ABCC9: variants seen among roughly 807,000 people sequenced by gnomAD.
ABCC9 encodes the protein ATP binding cassette subfamily C member 9, also known as ATP-binding cassette sub-family C member 9.
Under a neutral mutation model 188.3 loss-of-function variants are expected in ABCC9, and 95 were observed. The ratio of observed to expected loss-of-function variants is 0.50; its 90% CI spans 0.43 to 0.60. The LOEUF (loss-of-function observed/expected upper bound fraction) is 0.60. Among genes scored for constraint, ABCC9 ranks in the 20% least tolerant of loss-of-function variants. The probability of loss-of-function intolerance (pLI) is 0.00; values close to 1 mark genes in which losing one functional copy is unlikely to be tolerated. For synonymous variants in ABCC9, 659 were observed against 652.7 expected, an observed-to-expected ratio of 1.01 and a Z score of -0.15; for missense variants, 1,102 against 1,876.3, an observed-to-expected ratio of 0.59 and a Z score of 7.62.
At chr12:21,811,254 T>C (rs1354584781) in intron 36 of ABCC9, among the ~76,000 whole-genome samples, 1 of 152,172 alleles carries the variant, frequency 6.6e-6, no homozygotes, top group African/African-American at 2.4e-5. Flanking sequence ...ATTGTAAGTT[T>C]CCTGAGGCCT....
At chr12:21,811,961 T>C (rs1942274242) in intron 36 of ABCC9, 88 bp downstream of exon 36, 1 of 914,628 alleles carries the variant, frequency 1.1e-6, no homozygotes, top group Admixed American at 1.7e-5. Context: ...AGTTCACTCA[T>C]ACCTGAAAAA....
At chr12:21,936,439 G>T in intron 3 of ABCC9, 94 bp downstream of exon 3, 2 of 1,116,446 alleles carry the variant, frequency 1.8e-6, no homozygotes, top group Non-Finnish European at 2.6e-6. Flanking sequence ...CAGCTTCCAT[G>T]TTACAGAAAT....
intron 17 of ABCC9, 121 bp downstream of exon 17, chr12:21,875,533 T>C (rs1170411404): frequency 4.1e-6 from 3 of 736,920 alleles, no homozygotes; most frequent in South Asian, 3.4e-5. Context: ...ATAGTGCAAA[T>C]AGGTAATCAT....
At chr12:21,881,029 AAAG>A (rs1414389125) in intron 16 of ABCC9, among the ~76,000 whole-genome samples, 3 of 152,108 alleles carry the variant, frequency 2.0e-5, no homozygotes, top group African/African-American at 4.8e-5. Flanking sequence ...GTGTTGAGCA[AAAG>A]AAGCAACACA....
intron 2 of ABCC9, among the ~76,000 whole-genome samples, chr12:21,939,407 A>C (rs111329846): frequency 6.6e-6 from 1 of 152,222 alleles, no homozygotes; most frequent in Non-Finnish European, 1.5e-5. Context: ...TATTGCTGAT[A>C]TATTGATAAT....
intron 28 of ABCC9, among the ~76,000 whole-genome samples, chr12:21,843,318 G>A (rs1044250705): frequency 1.2e-4 from 18 of 152,040 alleles, no homozygotes; most frequent in African/African-American, 3.6e-4. Context: ...ACATTTATAC[G>A]TTAAATTTCT....
chr12:21,915,682 A>G lies in ABCC9; in HGVS notation c.802T>C (p.Tyr268His). 1 of 1,611,870 alleles carries G rather than the reference A, an allele frequency of 6.2e-7. No homozygotes were observed. Among genetic ancestry groups the G allele is most frequent in the Non-Finnish European group, 8.5e-7 (1 of 1,179,380 alleles). Residue 268 changes from tyrosine to histidine, a missense_variant, in exon 7 of 40, where the codon TAT becomes CAT. Tyr to His is a moderately conservative substitution (Grantham distance 83). Around this residue, in one of 12 missense-constraint regions of ABCC9, gnomAD observed 305 missense variants for 573.0 expected, o/e 0.53. Coordinates refer to ENST00000261200, the MANE Select transcript of ABCC9 (RefSeq NM_020297.4). Reference protein sequence around the residue: ...VTNYVCLKDAYEEQKKKVADH... With the variant: ...VTNYVCLKDAHEEQKKKVADH... ...CGCTAAATCACCTTTTGTTCTTCAT[A>G]TGCATCTTTCAGGCAAACATAATTT...
rs545875236 is a variant in ABCC9 at position 21,818,525 on chromosome 12, T to G, written c.3670-274A>C. On this transcript the variant is annotated intron_variant, in intron 31 of 39. Transcript: ENST00000261200. ...ATATATAACTATATAGATATATATA[T>G]ATGTGTGTGTGTGTGTGTGTGTGTG... is the stretch of plus-strand genomic sequence containing the variant. Among the ~76,000 whole-genome samples, 136 of 124,086 alleles carry G rather than the reference T, an allele frequency of 1.1e-3. 1 individual carries two copies. The highest frequency in any genetic ancestry group is 4.0e-3 in the African/African-American group (125 of 31,384). The allele number at this position is 124,086 out of a possible 152,430, so 81.4% of individuals were successfully genotyped here. A position where few individuals can be genotyped will look rare whatever the true frequency, so the allele number is the denominator to read the frequency against.
intron 16 of ABCC9, among the ~76,000 whole-genome samples, chr12:21,877,575 G>T (rs1946427093): frequency 6.6e-6 from 1 of 152,156 alleles, no homozygotes; most frequent in Non-Finnish European, 1.5e-5. Flanking sequence ...GGGTAGGTGA[G>T]GAGGCTAAAA....
chr12:21,894,352 A>G (rs562898238), intron 13 of ABCC9, among the ~76,000 whole-genome samples, 178 bp from the exon 14 acceptor site: 3 of 152,308 alleles, frequency 2.0e-5, no homozygotes. Context: ...AAGTCCTGAA[A>G]GGCTTACCTG....
At chr12:21,938,755 C>T (rs1460485912) in intron 2 of ABCC9, among the ~76,000 whole-genome samples, 1 of 152,100 alleles carries the variant, frequency 6.6e-6, no homozygotes, top group Non-Finnish European at 1.5e-5. Context: ...GCAAATTACA[C>T]CCTTCATTAG....
rs1002300338 is a variant in ABCC9, at chr12:21,887,860, A to G, written c.1877T>C (p.Leu626Pro). Residue 626 changes from leucine to proline, a missense_variant, in exon 15 of 40, where the codon CTT (leucine) becomes CCT (proline). By Grantham distance (98) the Leu-to-Pro change is moderately conservative. Around this residue, in one of 12 missense-constraint regions of ABCC9, gnomAD observed 258 missense variants for 325.6 expected, o/e 0.79. Coordinates refer to ENST00000261200, the MANE Select transcript of ABCC9 (RefSeq NM_020297.4). ...DDSWRTGESS[L>P]PFESCKKHTG... ...GTGCTTCTTACAGGACTCAAAAGGAAGCGAACTTTCACCAGTTCGCCAACT... is the reference window on the plus strand; with the variant it reads ...GTGCTTCTTACAGGACTCAAAAGGAGGCGAACTTTCACCAGTTCGCCAACT... The G allele has an allele frequency of 1.9e-6, 3 of 1,613,398 alleles. No individual in the cohort carries two copies. The highest frequency in any genetic ancestry group is 2.5e-6 in the Non-Finnish European group (3 of 1,179,560).
At chr12:21,902,295 G>A (rs1370048902) in intron 12 of ABCC9, among the ~76,000 whole-genome samples, 8 of 152,160 alleles carry the variant, frequency 5.3e-5, no homozygotes, top group Non-Finnish European at 1.2e-4. Context: ...CACATTTAAA[G>A]CAGTGTGTAG....
chr12:21,801,658 A>AATAGAATGGATT (rs1422846591), intron 39 of ABCC9, among the ~76,000 whole-genome samples: 3 of 152,202 alleles, frequency 2.0e-5, no homozygotes, highest in Non-Finnish European at 4.4e-5. Context: ...GGCATGCAGT[A>AATAGAATGGATT]ATAGAATGGA....
rs1393098429 is a variant in ABCC9, at chr12:21,913,028, T to C, written c.855A>G (p.Ile285Met). 2 of 1,605,750 alleles carry C rather than the reference T, an allele frequency of 1.2e-6. No individual in the cohort carries two copies. The highest frequency in any genetic ancestry group is 1.7e-6 in the Non-Finnish European group (2 of 1,177,916). ...VADHPNRTPSIWLAMYRAFGR... is the reference protein window; with the variant it reads ...VADHPNRTPSMWLAMYRAFGR... ...CAAAAGCTCTGTACATTGCAAGCCA[T>C]ATAGATGGAGTCCGATTTGGATGAT... is the stretch of plus-strand genomic sequence containing the variant. The change falls in exon 8 of 40, where the codon ATA becomes ATG. Residue 285 changes from isoleucine to methionine, a missense_variant. By Grantham distance (10) the Ile-to-Met change is conservative. Transcript: ENST00000261200.
chr12:21,899,725 T>G (rs1185389928), intron 12 of ABCC9, among the ~76,000 whole-genome samples: 1 of 152,042 alleles, frequency 6.6e-6, no homozygotes, highest in Non-Finnish European at 1.5e-5. Context: ...AGCACAGCAG[T>G]CTGAGATCGA....
At chr12:21,899,281 G>A (rs933380675) in intron 12 of ABCC9, among the ~76,000 whole-genome samples, 1 of 152,200 alleles carries the variant, frequency 6.6e-6, no homozygotes, top group African/African-American at 2.4e-5. Context: ...GGCCAATGCT[G>A]TTTGAGAAAG....
intron 24 of ABCC9, among the ~76,000 whole-genome samples, chr12:21,849,258 C>T (rs1944842651): frequency 6.6e-6 from 1 of 151,964 alleles, no homozygotes; most frequent in Non-Finnish European, 1.5e-5. Context: ...TAGGTAGTGA[C>T]CTTGGTTGAT....
At chr12:21,826,198 G>A (rs1943369592) in intron 31 of ABCC9, among the ~76,000 whole-genome samples, 1 of 152,030 alleles carries the variant, frequency 6.6e-6, no homozygotes, top group Non-Finnish European at 1.5e-5. Flanking sequence ...ACAAAGAGGG[G>A]GTTGTGTTGA....
Sources: gnomAD v4.1 joint callset for allele counts (sites outside exome capture counted in the v4.1 genomes callset) on GRCh38, gnomAD v4.1.1 for gene constraint, gnomAD v4.1.1 regional missense constraint, MANE v1.5 for transcripts, NCBI Gene and HGNC (gene_info 2026-07-23, HGNC 2026-07-21) for gene names.